Variants in AIFM3 observed in about 807,000 individuals in gnomAD.
AIFM3 encodes apoptosis-inducing factor 3.
A neutral mutation model predicts 82.7 loss-of-function variants in AIFM3; 71 were observed. The observed-to-expected ratio is 0.86, with a 90% confidence interval of 0.71 to 1.05. The LOEUF (loss-of-function observed/expected upper bound fraction) is 1.05. AIFM3 is among the 50% of genes least tolerant of loss of function. The pLI, the probability that AIFM3 is intolerant of heterozygous loss-of-function variation, is 0.00. For missense variants in AIFM3, 748 were observed against 816.7 expected, an observed-to-expected ratio of 0.92 and a Z score of 1.03; for synonymous variants, 337 against 329.1, an observed-to-expected ratio of 1.02 and a Z score of -0.26.
chr22:20,976,535 C>T lies in AIFM3; in HGVS notation c.1027C>T (p.Leu343=), dbSNP rs1225082540. Residue 343 remains leucine, a synonymous_variant, in exon 11 of 21, where the codon CTG becomes TTG. Coordinates refer to ENST00000440238, the MANE Select transcript of AIFM3 (RefSeq NM_001386814.1). ...CGTGGTCGTCGTGGGAGCCGGCTTCCTGGGTGAGAGGTAGTGGGCAGTGGA... is the reference window on the plus strand; with the variant it reads ...CGTGGTCGTCGTGGGAGCCGGCTTCTTGGGTGAGAGGTAGTGGGCAGTGGA... ...RNVVVVGAGF[L]GMEVAAYLTE... 1.2e-6 allele frequency: 2 copies of T among 1,613,348 alleles called. No homozygotes were observed. The highest frequency in any genetic ancestry group is 1.7e-5 in the Admixed American group (1 of 60,022).
In AIFM3 at chr22:20,981,008, T is replaced by C; in HGVS notation, c.1795T>C (p.Trp599Arg). 1 of 1,614,232 alleles carries C rather than the reference T, an allele frequency of 6.2e-7. No homozygotes were observed. The highest frequency in any genetic ancestry group is 8.5e-7 in the Non-Finnish European group (1 of 1,180,040). The change falls in exon 21 of 21, where the codon TGG (tryptophan) becomes CGG (arginine). Residue 599 changes from tryptophan (W) to arginine (R), a missense_variant. Coordinates refer to ENST00000440238, the MANE Select transcript of AIFM3 (RefSeq NM_001386814.1). Reference sequence around the variant, plus strand: ...CTCCTGCAGGACTGGCGACATGTCCTGGCTTACGGGGAAAGGATCCTGAGC... The same window carrying C: ...CTCCTGCAGGACTGGCGACATGTCCCGGCTTACGGGGAAAGGATCCTGAGC... ...VLHSKTGDMSWLTGKGS is the reference protein window; with the variant it reads ...VLHSKTGDMSRLTGKGS
Position 20,967,842 on chromosome 22 carries a change from TCTCTAA to T in AIFM3, c.-102_-97del. On this transcript the variant is annotated 5_prime_UTR_variant, in exon 2 of 21. Coordinates refer to ENST00000440238, the MANE Select transcript of AIFM3 (RefSeq NM_001386814.1). ...CTCCAGCAGGATGGCGGCTCCAGCG[TCTCTAA>T]GGCCTGCAGGGGGTCCAGCCCCATG... 7.7e-7 allele frequency: 1 copy of T among 1,306,052 alleles called. No individual in the cohort carries two copies. The allele number at this position is 1,306,052 out of a possible 1,614,324, so 80.9% of individuals were successfully genotyped here. A position where few individuals can be genotyped will look rare whatever the true frequency, so the allele number is the denominator to read the frequency against.
Position 20,977,025 on chromosome 22 carries a change from C to T in AIFM3, c.1219-7C>T. On this transcript the variant is annotated splice_region_variant and splice_polypyrimidine_tract_variant and intron_variant, in intron 13 of 20. Coordinates refer to ENST00000440238, the MANE Select transcript of AIFM3 (RefSeq NM_001386814.1). ...GGTCCACCTGTTTATCCACCCACTC[C>T]CCACAGCTGAAGGAGGTTGTGCTGA... is the stretch of plus-strand genomic sequence containing the variant. 2 of 1,614,186 alleles carry T rather than the reference C, an allele frequency of 1.2e-6. No homozygotes were observed. The highest frequency in any genetic ancestry group is 1.7e-6 in the Non-Finnish European group (2 of 1,180,022).
In AIFM3 at chr22:20,973,408, A is replaced by G; in HGVS notation, c.133A>G (p.Thr45Ala). ...CCCCCGGGCCTACCAGGGCAATGGC[A>G]CGGCCCGCCACTTCCACACGGAGGA... ...GSPRAYQGNG[T>A]ARHFHTEERL... Residue 45 changes from threonine to alanine, a missense_variant, in exon 3 of 21, where the codon ACG (threonine) becomes GCG (alanine). Thr to Ala is a moderately conservative substitution (Grantham distance 58). Around this residue, in one of 5 missense-constraint regions of AIFM3, gnomAD observed 148 missense variants for 134.1 expected, o/e 1.10. Coordinates refer to ENST00000440238, the MANE Select transcript of AIFM3 (RefSeq NM_001386814.1). The G allele has an allele frequency of 6.2e-7, 1 of 1,611,234 alleles. No individual in the cohort carries two copies. Among genetic ancestry groups the G allele is most frequent in the Non-Finnish European group, 8.5e-7 (1 of 1,179,738 alleles).
Position 20,967,985 on chromosome 22 carries a change from GTCT to G in AIFM3, c.31+15_31+17del, listed in dbSNP as rs1314035676. 6 of 1,613,696 alleles carry G rather than the reference GTCT, an allele frequency of 3.7e-6. No homozygotes were observed. In the African/African-American group the frequency reaches 6.7e-5, roughly 18 times the overall value. On this transcript the variant is annotated intron_variant, in intron 2 of 20. Transcript: ENST00000440238. Reference sequence around the variant, plus strand: ...TCCAAACCCAAACCAGGTACCTCCTGTCTTCTTGTCTCCATCCTTTCTCCTCCC... The same window carrying G: ...TCCAAACCCAAACCAGGTACCTCCTGTCTTGTCTCCATCCTTTCTCCTCCC...
In AIFM3 at chr22:20,976,726, G is replaced by A; in HGVS notation, c.1106G>A (p.Arg369Lys). ...SVVELEETPF[R>K]RFLGERVGRA... The stretch of plus-strand genomic sequence containing the variant: ...GTGGAGCTGGAGGAGACGCCCTTCA[G>A]GAGGTTCCTGGGGGAGCGCGTGGGT... Residue 369 changes from arginine (R) to lysine (K), a missense_variant, in exon 12 of 21, where the codon AGG (arginine) becomes AAG (lysine). Transcript: ENST00000440238. 1 of 1,610,108 alleles carries A rather than the reference G, an allele frequency of 6.2e-7. No homozygotes were observed. The highest frequency in any genetic ancestry group is 1.3e-5 in the African/African-American group (1 of 74,966).
rs1397669195 is a variant in AIFM3 at position 20,980,024 on chromosome 22, G to A, written c.1657G>A (p.Asp553Asn). 1.2e-6 allele frequency: 2 copies of A among 1,610,488 alleles called. No individual in the cohort carries two copies. Among genetic ancestry groups the A allele is most frequent in the Non-Finnish European group, 8.5e-7 (1 of 1,179,788 alleles). Reference protein sequence around the residue: ...LKFVAFYTKGDEVIAVASMNY... With the variant: ...LKFVAFYTKGNEVIAVASMNY... Reference sequence around the variant, plus strand: ...TTGGCCATCCTCTCCTTGCAGAGGCGACGAGGTGATCGCCGTGGCCAGCAT... The same window carrying A: ...TTGGCCATCCTCTCCTTGCAGAGGCAACGAGGTGATCGCCGTGGCCAGCAT... Residue 553 changes from aspartate (D) to asparagine (N), a missense_variant, in exon 19 of 21, where the codon GAC becomes AAC. This residue lies in a region of AIFM3 where 183 missense variants were observed against 158.2 expected (regional missense o/e 1.16). Transcript: ENST00000440238.
intron 14 of AIFM3, 102 bp downstream of exon 14, chr22:20,977,197 T>G: frequency 3.3e-6 from 5 of 1,497,954 alleles, no homozygotes; most frequent in Non-Finnish European, 4.6e-6. Flanking sequence ...AGCCTCAGTT[T>G]CCACCACATC....
At chr22:20,975,646 T>G in intron 8 of AIFM3, 46 bp from the exon 9 acceptor site, 1 of 1,597,120 alleles carries the variant, frequency 6.3e-7, no homozygotes, top group Non-Finnish European at 8.6e-7. Flanking sequence ...GGCCCCAGTG[T>G]CTTCTGCTGT....
rs2097674 is a variant in AIFM3, at chr22:20,968,121, C to T, written c.31+146C>T. ...CCCGCTCGGAATGTTAATACGCTGC[C>T]GCCAGGAGGGGGTAGGGGGCCTGGA... On this transcript the variant is annotated intron_variant, in intron 2 of 20. Coordinates refer to ENST00000440238, the MANE Select transcript of AIFM3 (RefSeq NM_001386814.1). The T allele has an allele frequency of 7.3e-6, 6 of 826,176 alleles. No individual in the cohort carries two copies. In the East Asian group the frequency reaches 8.1e-5, roughly 11 times the overall value. 51.2% of individuals were successfully genotyped at this position (826,176 alleles called of 1,614,324 possible). A position where few individuals can be genotyped will look rare whatever the true frequency, so the allele number is the denominator to read the frequency against.
chr22:20,965,265 C>T (rs978957772), upstream of AIFM3: 1 of 151,376 alleles, frequency 6.6e-6, no homozygotes, highest in Non-Finnish European at 1.5e-5. Context: ...CCCGCCGCCC[C>T]GCCTCTTCGC....
intron 16 of AIFM3, among the ~76,000 whole-genome samples, 162 bp from the exon 17 acceptor site, chr22:20,979,109 G>A (rs1923888440): frequency 6.6e-6 from 1 of 152,224 alleles, no homozygotes; most frequent in Non-Finnish European, 1.5e-5. Context: ...CCAGTCAGCT[G>A]CAGGTGCAAG....
At position 20,973,400 on chromosome 22, in the gene AIFM3, G is replaced by A. The variant is rs370994357; in HGVS notation, c.125G>A (p.Gly42Asp). The A allele has an allele frequency of 6.2e-7, 1 of 1,611,536 alleles. No homozygotes were observed. The highest frequency in any genetic ancestry group is 8.5e-7 in the Non-Finnish European group (1 of 1,179,666). ...AAGGGCAGCCCCCGGGCCTACCAGGGCAATGGCACGGCCCGCCACTTCCAC... is the reference window on the plus strand; with the variant it reads ...AAGGGCAGCCCCCGGGCCTACCAGGACAATGGCACGGCCCGCCACTTCCAC... ...SGKGSPRAYQ[G>D]NGTARHFHTE... is the part of the protein sequence containing the mutation. Residue 42 changes from glycine (G) to aspartate (D), a missense_variant, in exon 3 of 21, where the codon GGC (glycine) becomes GAC (aspartate). Physicochemically the swap from Gly to Asp is moderately conservative, Grantham distance 94. Transcript: ENST00000440238.
At chr22:20,975,132 A>AT (rs1376808225) in intron 8 of AIFM3, among the ~76,000 whole-genome samples, 1 of 151,758 alleles carries the variant, frequency 6.6e-6, no homozygotes, top group Non-Finnish European at 1.5e-5. Flanking sequence ...TGCCTGGCTA[A>AT]TTTTTTGTAT....
chr22:20,979,172 A>C (rs1441326308), intron 16 of AIFM3, 99 bp from the exon 17 acceptor site: 7 of 1,166,472 alleles, frequency 6.0e-6, no homozygotes, highest in Non-Finnish European at 8.8e-6. Flanking sequence ...GACCAGGAGG[A>C]GTAGCCACAC....
rs1923422400 is a variant in AIFM3, at chr22:20,973,647, T to C, written c.246-111T>C. ...CAGCTGCTGCCCTGGTCACTGCCTT[T>C]GTGGCTTCTACCGGTCTGGGCCTGC... is the stretch of plus-strand genomic sequence containing the variant. On this transcript the variant is annotated intron_variant, in intron 3 of 20. Coordinates refer to ENST00000440238, the MANE Select transcript of AIFM3 (RefSeq NM_001386814.1). 4 of 1,400,340 alleles carry C rather than the reference T, an allele frequency of 2.9e-6. No homozygotes were observed. The African/African-American group carries it at 5.7e-5, about 20-fold the overall frequency. 86.7% of individuals were successfully genotyped at this position (1,400,340 alleles called of 1,614,324 possible).
intron 1 of AIFM3, 74 bp from the exon 2 acceptor site, chr22:20,967,731 C>G: frequency 1.7e-6 from 1 of 595,794 alleles, no homozygotes; most frequent in African/African-American, 1.9e-5. Flanking sequence ...GAAGCTCCCA[C>G]TGTCTCTCTC....
At position 20,976,753 on chromosome 22, in the gene AIFM3, G is replaced by A. The variant is rs762676617; in HGVS notation, c.1133G>A (p.Arg378His). 24 of 1,611,596 alleles carry A rather than the reference G, an allele frequency of 1.5e-5. No homozygotes were observed. Among genetic ancestry groups the A allele is most frequent in the Middle Eastern group, 1.6e-4 (1 of 6,066 alleles). The change falls in exon 12 of 21, where the codon CGT (arginine) becomes CAT (histidine). Residue 378 changes from arginine to histidine, a missense_variant. Physicochemically the swap from Arg to His is conservative, Grantham distance 29. Transcript: ENST00000440238. ...FRRFLGERVG[R>H]ALMKMFENNR... ...AGGTTCCTGGGGGAGCGCGTGGGTC[G>A]TGCCCTCATGAAGGTGAGCCCACCC...
At chr22:20,978,697 A>C (rs377043511) in intron 16 of AIFM3, among the ~76,000 whole-genome samples, 18 of 151,892 alleles carry the variant, frequency 1.2e-4, no homozygotes, top group African/African-American at 4.1e-4. Context: ...TCTGGTACCA[A>C]TTTCTATTCA....
Sources: gnomAD v4.1 joint callset for allele counts (sites outside exome capture counted in the v4.1 genomes callset) on GRCh38, gnomAD v4.1.1 for gene constraint, gnomAD v4.1.1 regional missense constraint, MANE v1.5 for transcripts, NCBI Gene and HGNC (gene_info 2026-07-23, HGNC 2026-07-21) for gene names.